The following PSEN1 variants were observed in gnomAD, a reference collection of about 807,000 sequenced individuals.
The protein encoded by PSEN1 is presenilin 1.
PSEN1 carries 15 observed loss-of-function variants against 53.5 expected under a neutral mutation model. That is an observed-to-expected ratio of 0.28 (90% confidence interval 0.19 to 0.43). PSEN1 has a LOEUF of 0.43. PSEN1 is among the 20% of genes least tolerant of loss of function. The pLI, the probability that PSEN1 is intolerant of heterozygous loss-of-function variation, is 1.00. For synonymous variants in PSEN1, 208 were observed against 209.8 expected, an observed-to-expected ratio of 0.99 and a Z score of 0.08; for missense variants, 387 against 571.2, an observed-to-expected ratio of 0.68 and a Z score of 3.29.
chr14:73,162,964 ATTTAT>A (rs1897597851), intron 3 of PSEN1, among the ~76,000 whole-genome samples: 1 of 152,132 alleles, frequency 6.6e-6, no homozygotes, highest in African/African-American at 2.4e-5. Context: ...CTATGTATTT[ATTTAT>A]TTTTAATTTT....
chr14:73,151,661 G>A (rs1201960828), intron 3 of PSEN1, among the ~76,000 whole-genome samples: 2 of 151,656 alleles, frequency 1.3e-5, no homozygotes, highest in Admixed American at 1.3e-4. Flanking sequence ...AGACCAGGGT[G>A]GTCTCAAGTG....
At chr14:73,202,265 A>G (rs991934151) in intron 8 of PSEN1, among the ~76,000 whole-genome samples, 27 of 149,700 alleles carry the variant, frequency 1.8e-4, no homozygotes, top group Non-Finnish European at 3.7e-4. Flanking sequence ...GGGAAAATAC[A>G]TTCTACTCAA....
Position 73,192,876 on chromosome 14 carries a change from G to A in PSEN1, c.769+12G>A, listed in dbSNP as rs1315032601. On this transcript the variant is annotated intron_variant, in intron 7 of 11. Transcript: ENST00000324501. ...GATTTCAGTATATGGTAAAACCCAAGACTGATAATTTGTTTGTCACAGGAA... is the reference window on the plus strand; with the variant it reads ...GATTTCAGTATATGGTAAAACCCAAAACTGATAATTTGTTTGTCACAGGAA... 17 of 1,585,900 alleles carry A rather than the reference G, an allele frequency of 1.1e-5. No homozygotes were observed. The highest frequency in any genetic ancestry group is 1.3e-5 in the Non-Finnish European group (15 of 1,154,782).
Position 73,173,681 on chromosome 14 carries a change from G to C in PSEN1, c.454G>C (p.Val152Leu), listed in dbSNP as rs142093869. 1.2e-6 allele frequency: 2 copies of C among 1,613,950 alleles called. No homozygotes were observed. The highest frequency in any genetic ancestry group is 1.3e-5 in the African/African-American group (1 of 74,908). The change falls in exon 5 of 12, where the codon GTT becomes CTT. Residue 152 changes from valine (V) to leucine (L), a missense_variant. This residue lies in a region of PSEN1 where 169 missense variants were observed against 299.7 expected (regional missense o/e 0.56). Transcript: ENST00000324501. ...TGTTGTCATGACTATCCTCCTGGTG[G>C]TTCTGTATAAATACAGGTGCTATAA... ...VIVVMTILLV[V>L]LYKYRCYKVI... is the part of the protein sequence containing the mutation.
chr14:73,181,570 G>T (rs1238330919), intron 5 of PSEN1, among the ~76,000 whole-genome samples: 1 of 152,064 alleles, frequency 6.6e-6, no homozygotes, highest in East Asian at 1.9e-4. Flanking sequence ...TCTAGCCTGG[G>T]AAACATAGTG....
intron 9 of PSEN1, among the ~76,000 whole-genome samples, chr14:73,207,426 T>C (rs1284238489): frequency 1.3e-5 from 2 of 151,932 alleles, no homozygotes; most frequent in Admixed American, 6.6e-5. Flanking sequence ...ACAGTAAATA[T>C]TGGTGAGGAA....
chr14:73,158,889 A>C (rs1018238237), intron 3 of PSEN1, among the ~76,000 whole-genome samples: 5 of 152,152 alleles, frequency 3.3e-5, no homozygotes, highest in Non-Finnish European at 7.4e-5. Context: ...TCAGTCTTTT[A>C]AATTTTTTAG....
chr14:73,188,382 G>T (rs1898593890), intron 6 of PSEN1, among the ~76,000 whole-genome samples: 1 of 152,148 alleles, frequency 6.6e-6, no homozygotes, highest in South Asian at 2.1e-4. Context: ...GGTCGGGTGT[G>T]GTGGCTCATG....
chr14:73,176,610 C>T (rs1898054809), intron 5 of PSEN1, among the ~76,000 whole-genome samples: 1 of 152,162 alleles, frequency 6.6e-6, no homozygotes, highest in African/African-American at 2.4e-5. Flanking sequence ...AGAGAAAACA[C>T]CATTTCTAAA....
intron 5 of PSEN1, among the ~76,000 whole-genome samples, chr14:73,176,193 T>C (rs1179450419): frequency 6.6e-6 from 1 of 152,278 alleles, no homozygotes. Flanking sequence ...TGACAGGTTG[T>C]TACCAACACT....
intron 5 of PSEN1, among the ~76,000 whole-genome samples, chr14:73,184,643 G>A (rs1273976422): frequency 6.8e-6 from 1 of 146,132 alleles, no homozygotes; most frequent in African/African-American, 2.5e-5. Flanking sequence ...CCGGGCGGGG[G>A]GCTGACCCCC....
intron 3 of PSEN1, among the ~76,000 whole-genome samples, chr14:73,158,387 A>G (rs1385678242): frequency 6.6e-6 from 1 of 151,610 alleles, no homozygotes; most frequent in African/African-American, 2.4e-5. Flanking sequence ...GTGCAGTGGC[A>G]TGATCTTGGC....
At chr14:73,173,781 A>C (rs1897965154) in intron 5 of PSEN1, 74 bp downstream of exon 5, 2 of 1,507,478 alleles carry the variant, frequency 1.3e-6, no homozygotes, top group Non-Finnish European at 1.8e-6. Flanking sequence ...ACAGTAACTT[A>C]ACTGATCTAG....
chr14:73,211,108 C>T (rs906522814), intron 9 of PSEN1, among the ~76,000 whole-genome samples: 1 of 152,172 alleles, frequency 6.6e-6, no homozygotes, highest in African/African-American at 2.4e-5. Flanking sequence ...AAAAGCCCAA[C>T]TCAGTTGCCT....
chr14:73,175,439 T>G lies in PSEN1; in HGVS notation c.480+1732T>G, dbSNP rs374781022. On this transcript the variant is annotated intron_variant, in intron 5 of 11. Coordinates refer to ENST00000324501, the MANE Select transcript of PSEN1 (RefSeq NM_000021.4). ...CCATACCTGGCCGAGGTCAGGGGTT[T>G]GAGACCAGCCTGAGCAACATAGTAA... Among the ~76,000 whole-genome samples, 15 of 151,852 alleles carry G rather than the reference T, an allele frequency of 9.9e-5. No individual in the cohort carries two copies. In the East Asian group the frequency reaches 2.5e-3, roughly 26 times the overall value.
rs1897124785 is a variant in PSEN1 at position 73,148,204 on chromosome 14, T to A, written c.87+98T>A. On this transcript the variant is annotated intron_variant, in intron 3 of 11. Coordinates refer to ENST00000324501, the MANE Select transcript of PSEN1 (RefSeq NM_000021.4). The stretch of plus-strand genomic sequence containing the variant: ...TGCTGAGGGGGCTAGGCAGGCTTTC[T>A]CTACTTTACCACATTTATAATATAT... The A allele has an allele frequency of 2.2e-6, 2 of 918,946 alleles. 1 individual carries two copies. Among genetic ancestry groups the A allele is most frequent in the Admixed American group, 4.0e-5 (2 of 50,414 alleles). The allele number at this position is 918,946 out of a possible 1,614,324, so 56.9% of individuals were successfully genotyped here.
In PSEN1 at chr14:73,202,462, A is replaced by ATTTTT. The variant is rs1166113102; in HGVS notation, c.869-3898_869-3894dup. On this transcript the variant is annotated intron_variant, in intron 8 of 11. Transcript: ENST00000324501. ...TATATATATATATATATATATATAT[A>ATTTTT]TTTTTTTTTTTTTTTTTTTTTTTTT... Among the ~76,000 whole-genome samples, 6 of 11,526 alleles carry ATTTTT rather than the reference A, an allele frequency of 5.2e-4. 1 individual carries two copies. Among genetic ancestry groups the ATTTTT allele is most frequent in the Admixed American group, 3.7e-3 (2 of 540 alleles). The allele number at this position is 11,526 out of a possible 152,430, so 7.6% of individuals were successfully genotyped here. A position where few individuals can be genotyped will look rare whatever the true frequency, so the allele number is the denominator to read the frequency against.
At chr14:73,156,590 G>T (rs565942079) in intron 3 of PSEN1, among the ~76,000 whole-genome samples, 1 of 151,964 alleles carries the variant, frequency 6.6e-6, no homozygotes, top group South Asian at 2.1e-4. Context: ...TATTGAAGTT[G>T]AATAAATTGC....
intron 7 of PSEN1, among the ~76,000 whole-genome samples, chr14:73,193,224 C>T (rs533848084): frequency 2.0e-5 from 3 of 151,906 alleles, no homozygotes; most frequent in South Asian, 2.1e-4. Flanking sequence ...GTGGGAGGAT[C>T]GATTGAGCCC....
Sources: gnomAD v4.1 joint callset for allele counts (sites outside exome capture counted in the v4.1 genomes callset) on GRCh38, gnomAD v4.1.1 for gene constraint, gnomAD v4.1.1 regional missense constraint, MANE v1.5 for transcripts, NCBI Gene and HGNC (gene_info 2026-07-23, HGNC 2026-07-21) for gene names.